Variants in SEC14L5 observed in about 807,000 individuals in gnomAD.
SEC14L5 encodes SEC14-like protein 5.
SEC14L5 carries 96 observed loss-of-function variants against 84.6 expected under a neutral mutation model. That is an observed-to-expected ratio of 1.13 (90% confidence interval 0.96 to 1.34). The LOEUF (loss-of-function observed/expected upper bound fraction) is 1.34, where lower values mean the gene tolerates loss of function less well. Among genes scored for constraint, SEC14L5 ranks in the 40% most tolerant of loss-of-function variants. The pLI, the probability that SEC14L5 is intolerant of heterozygous loss-of-function variation, is 0.00. For missense variants in SEC14L5, 1,224 were observed against 942.5 expected, an observed-to-expected ratio of 1.30 and a Z score of -3.91; for synonymous variants, 546 against 383.4, an observed-to-expected ratio of 1.42 and a Z score of -4.95.
intron 2 of SEC14L5, among the ~76,000 whole-genome samples, chr16:4,982,888 A>T (rs1464376299): frequency 6.6e-6 from 1 of 152,204 alleles, no homozygotes; most frequent in African/African-American, 2.4e-5. Context: ...AGACCCTCTA[A>T]TGGCTCACAG....
Position 5,001,396 on chromosome 16 carries a change from C to T in SEC14L5, c.1130+471C>T, listed in dbSNP as rs1168532239. 2.0e-5 allele frequency among the ~76,000 whole-genome samples: 3 copies of T among 152,012 alleles called. No homozygotes were observed. The East Asian group carries it at 5.8e-4, about 30-fold the overall frequency. On this transcript the variant is annotated intron_variant, in intron 10 of 15. Transcript: ENST00000251170. ...GCCTCAGCCTCCAGAGTAGCTGGGA[C>T]TACAGGCACCCGCCACCACGCCTGA...
chr16:4,968,425 T>A (rs1209188788), intron 2 of SEC14L5, among the ~76,000 whole-genome samples: 1 of 152,194 alleles, frequency 6.6e-6, no homozygotes, highest in Non-Finnish European at 1.5e-5. Context: ...GTGATCCGCC[T>A]GCCCTGGCCT....
Position 4,997,986 on chromosome 16 carries a change from C to T in SEC14L5, c.970+942C>T, listed in dbSNP as rs924388512. On this transcript the variant is annotated intron_variant, in intron 8 of 15. Transcript: ENST00000251170. ...TCCTTAACTAATTAACTAATTACAC[C>T]TGCACAGACTCTAGTTCTTTTTTTT... Among the ~76,000 whole-genome samples, 63 of 146,338 alleles carry T rather than the reference C, an allele frequency of 4.3e-4. 1 individual carries two copies. The highest frequency in any genetic ancestry group is 1.5e-3 in the African/African-American group (61 of 39,708).
At chr16:4,963,978 C>G (rs1278566853) in intron 2 of SEC14L5, among the ~76,000 whole-genome samples, 1 of 152,232 alleles carries the variant, frequency 6.6e-6, no homozygotes, top group African/African-American at 2.4e-5. Context: ...TGAGCCACTG[C>G]GCTCAGCCTT....
At position 5,015,007 on chromosome 16, in the gene SEC14L5, A is replaced by G. The variant is rs745523896; in HGVS notation, c.*37A>G. On this transcript the variant is annotated 3_prime_UTR_variant, in exon 16 of 16. Transcript: ENST00000251170. Reference sequence around the variant, plus strand: ...GTTTCAGGGCCGCCCGCTCGCCTCCAGTGTCCAGAAATGTCCAGAATGAGA... The same window carrying G: ...GTTTCAGGGCCGCCCGCTCGCCTCCGGTGTCCAGAAATGTCCAGAATGAGA... 1.0e-5 allele frequency: 15 copies of G among 1,500,584 alleles called. No homozygotes were observed. The East Asian group carries it at 3.4e-4, about 34-fold the overall frequency. The allele number at this position is 1,500,584 out of a possible 1,614,324, so 93.0% of individuals were successfully genotyped here.
rs375114504 is a variant in SEC14L5, at chr16:4,975,993, G to C, written c.64-11564G>C. ...GGCATTCCAGCTTCCTTTGAATTTGGATGAGGAAGAACAGGAAGGAAGGAA... is the reference window on the plus strand; with the variant it reads ...GGCATTCCAGCTTCCTTTGAATTTGCATGAGGAAGAACAGGAAGGAAGGAA... On this transcript the variant is annotated intron_variant, in intron 2 of 15. Coordinates refer to ENST00000251170, the MANE Select transcript of SEC14L5 (RefSeq NM_014692.2). Among the ~76,000 whole-genome samples the C allele has an allele frequency of 1.7e-4, 26 of 152,280 alleles. No individual in the cohort carries two copies. In the East Asian group the frequency reaches 4.8e-3, roughly 28 times the overall value.
chr16:4,987,514 C>A, intron 2 of SEC14L5, 43 bp from the exon 3 acceptor site: 1 of 1,440,988 alleles, frequency 6.9e-7, no homozygotes, highest in Non-Finnish European at 9.2e-7. Flanking sequence ...GGGGGTCCCT[C>A]TGCCCCCCCC....
intron 11 of SEC14L5, 32 bp downstream of exon 11, chr16:5,003,605 C>CCG: frequency 9.2e-6 from 2 of 217,332 alleles, no homozygotes; most frequent in Non-Finnish European, 8.9e-6. Flanking sequence ...AGGACTCTCC[C>CCG]TGGGGGTGGG....
chr16:4,960,872 T>C (rs1475249422), intron 2 of SEC14L5: 1 of 152,248 alleles, frequency 6.6e-6, no homozygotes, highest in East Asian at 1.9e-4. Context: ...TTCTGCGTAA[T>C]GGGAGTGGAA....
At chr16:4,964,262 T>C (rs1431470640) in intron 2 of SEC14L5, among the ~76,000 whole-genome samples, 1 of 151,842 alleles carries the variant, frequency 6.6e-6, no homozygotes. Flanking sequence ...GTGAGTCGAG[T>C]CTAGGTTATT....
At chr16:4,972,312 A>AT (rs1955289309) in intron 2 of SEC14L5, among the ~76,000 whole-genome samples, 2 of 152,020 alleles carry the variant, frequency 1.3e-5, no homozygotes, top group Non-Finnish European at 2.9e-5. Context: ...TTCACTCTAT[A>AT]GTTTTTTATT....
At chr16:5,013,651 T>G (rs777700435) in intron 15 of SEC14L5, among the ~76,000 whole-genome samples, 1 of 140,612 alleles carries the variant, frequency 7.1e-6, no homozygotes, top group Non-Finnish European at 1.5e-5. Context: ...CTCCGCCTCC[T>G]GGGTTCAAGC....
At position 5,000,657 on chromosome 16, in the gene SEC14L5, G is replaced by A; in HGVS notation, c.973G>A (p.Gly325Ser). 4.5e-6 allele frequency: 7 copies of A among 1,551,092 alleles called. No individual in the cohort carries two copies. The highest frequency in any genetic ancestry group is 6.1e-6 in the Non-Finnish European group (7 of 1,146,924). Reference sequence around the variant, plus strand: ...TCTGCTTGGCCCCATCCACAAAGATGGCCGCCCCCTCTACATCCTCCGCCT... The same window carrying A: ...TCTGCTTGGCCCCATCCACAAAGATAGCCGCCCCCTCTACATCCTCCGCCT... Reference protein sequence around the residue: ...AGGWHYQDIDGRPLYILRLGQ... With the variant: ...AGGWHYQDIDSRPLYILRLGQ... Residue 325 changes from glycine (G) to serine (S), a missense_variant and splice_region_variant, in exon 9 of 16, where the codon GGC becomes AGC. Gly to Ser is a moderately conservative substitution (Grantham distance 56, BLOSUM62 0). Coordinates refer to ENST00000251170, the MANE Select transcript of SEC14L5 (RefSeq NM_014692.2).
intron 6 of SEC14L5, among the ~76,000 whole-genome samples, chr16:4,992,399 T>C (rs529519361): frequency 9.8e-4 from 150 of 152,312 alleles, no homozygotes; most frequent in African/African-American, 3.4e-3. Flanking sequence ...TACAGGCATC[T>C]GCCACCACAC....
chr16:4,966,487 C>G (rs1340896892), intron 2 of SEC14L5, among the ~76,000 whole-genome samples: 1 of 150,698 alleles, frequency 6.6e-6, no homozygotes, highest in Non-Finnish European at 1.5e-5. Context: ...GTTGGCAAGG[C>G]TGGTCTGGAA....
In SEC14L5 at chr16:5,017,994, T is replaced by A. The variant is rs1375091291; in HGVS notation, c.*3024T>A. The A allele has an allele frequency of 3.3e-5, 5 of 152,260 alleles. No homozygotes were observed. Among genetic ancestry groups the A allele is most frequent in the Non-Finnish European group, 7.3e-5 (5 of 68,062 alleles). 9.4% of individuals were successfully genotyped at this position (152,260 alleles called of 1,614,324 possible). A position where few individuals can be genotyped will look rare whatever the true frequency, so the allele number is the denominator to read the frequency against. On this transcript the variant is annotated 3_prime_UTR_variant, in exon 16 of 16. Coordinates refer to ENST00000251170, the MANE Select transcript of SEC14L5 (RefSeq NM_014692.2). ...CACAAGCAGCATTACTGTTGGTGTT[T>A]GGGCACCTGGGCCTTGAATTTAGGC...
chr16:4,984,393 T>C (rs1955463311), intron 2 of SEC14L5, among the ~76,000 whole-genome samples: 1 of 152,242 alleles, frequency 6.6e-6, no homozygotes, highest in Admixed American at 6.5e-5. Context: ...GGCTGTATAA[T>C]ATTCCATTTT....
chr16:4,970,589 G>A (rs1018765878), intron 2 of SEC14L5, among the ~76,000 whole-genome samples: 2 of 152,128 alleles, frequency 1.3e-5, no homozygotes, highest in Admixed American at 6.6e-5. Context: ...TAAGTCATCC[G>A]CCCTCCCGGA....
At chr16:4,965,760 G>A (rs116104149) in intron 2 of SEC14L5, among the ~76,000 whole-genome samples, 23,077 of 150,258 alleles carry the variant, frequency 0.15, 2,053 homozygotes, top group Non-Finnish European at 0.2. Flanking sequence ...TTTTATTTAA[G>A]GCCAGTTGTG....
Sources: allele counts gnomAD v4.1 joint callset (sites outside exome capture counted in the v4.1 genomes callset), GRCh38; gene constraint gnomAD v4.1.1; transcripts MANE v1.5; gene names NCBI Gene and HGNC (gene_info 2026-07-23, HGNC 2026-07-21).